The following COL24A1 variants were observed in gnomAD, a reference collection of about 807,000 sequenced individuals.
COL24A1 encodes the protein collagen type XXIV alpha 1 chain, also known as collagen alpha-1(XXIV) chain.
COL24A1 carries 224 observed loss-of-function variants against 253.9 expected under a neutral mutation model. The ratio of observed to expected loss-of-function variants is 0.88; its 90% CI spans 0.79 to 0.99. The LOEUF (loss-of-function observed/expected upper bound fraction) is 0.99, where lower values mean the gene tolerates loss of function less well. Among genes scored for constraint, COL24A1 ranks in the 50% least tolerant of loss-of-function variants. COL24A1 has a pLI of 0.00. For missense variants in COL24A1, 2,131 were observed against 2,068.5 expected (o/e 1.03, Z -0.59); for synonymous variants, 685 against 673.7 (o/e 1.02, Z -0.26).
chr1:86,042,849 A>G (rs542359462), intron 12 of COL24A1, among the ~76,000 whole-genome samples: 1 of 152,272 alleles, frequency 6.6e-6, no homozygotes, highest in East Asian at 1.9e-4. Context: ...CAAGACTTTT[A>G]GTCCATTTCT....
intron 43 of COL24A1, among the ~76,000 whole-genome samples, chr1:85,831,605 G>GA (rs148797204): frequency 1.3e-3 from 192 of 152,224 alleles, no homozygotes; most frequent in African/African-American, 4.1e-3. Flanking sequence ...AGAGGTTATG[G>GA]AAAGTGATGG....
rs112455204 is a variant in COL24A1 at position 85,969,465 on chromosome 1, C to T, written c.2463+762G>A. ...ACTAAAAATACAAAAATTAGCAGGG[C>T]ATGGTGGCACATGCCTGTAATTCTA... is the stretch of plus-strand genomic sequence containing the variant. On this transcript the variant is annotated intron_variant, in intron 22 of 59. Coordinates refer to ENST00000370571, the MANE Select transcript of COL24A1 (RefSeq NM_152890.7). 2.7e-3 allele frequency among the ~76,000 whole-genome samples: 406 copies of T among 151,692 alleles called. 1 individual carries two copies. The highest frequency in any genetic ancestry group is 8.2e-3 in the African/African-American group (338 of 41,382).
chr1:86,111,040 T>C (rs1705531242), intron 5 of COL24A1, among the ~76,000 whole-genome samples: 1 of 152,212 alleles, frequency 6.6e-6, no homozygotes, highest in Non-Finnish European at 1.5e-5. Context: ...GAGAACTTTA[T>C]GTCTAGCTGA....
At position 86,050,061 on chromosome 1, in the gene COL24A1, C is replaced by G; in HGVS notation, c.1905+63G>C. 3 of 1,396,660 alleles carry G rather than the reference C, an allele frequency of 2.1e-6. No individual in the cohort carries two copies. In the South Asian group the frequency reaches 3.9e-5, roughly 18 times the overall value. The allele number at this position is 1,396,660 out of a possible 1,614,324, so 86.5% of individuals were successfully genotyped here. ...CTTCCCTGACATCTGATTTTATGAC[C>G]CCCATTGTACATTATCACAAGTATA... is the stretch of plus-strand genomic sequence containing the variant. On this transcript the variant is annotated intron_variant, in intron 11 of 59. Coordinates refer to ENST00000370571, the MANE Select transcript of COL24A1 (RefSeq NM_152890.7).
intron 23 of COL24A1, among the ~76,000 whole-genome samples, chr1:85,962,580 T>C (rs1691182046): frequency 6.6e-6 from 1 of 152,076 alleles, no homozygotes; most frequent in South Asian, 2.1e-4. Flanking sequence ...ATTATGAAAC[T>C]GTAAGTGGGG....
At chr1:85,870,765 C>A (rs569815801) in intron 35 of COL24A1, among the ~76,000 whole-genome samples, 1 of 152,226 alleles carries the variant, frequency 6.6e-6, no homozygotes, top group African/African-American at 2.4e-5. Flanking sequence ...AAAATTAACA[C>A]CCTAACATCA....
At position 86,050,394 on chromosome 1, in the gene COL24A1, CT is replaced by C. The variant is rs1247214996; in HGVS notation, c.1852-218del. 2.6e-5 allele frequency among the ~76,000 whole-genome samples: 4 copies of C among 152,012 alleles called. No homozygotes were observed. In the East Asian group the frequency reaches 7.7e-4, roughly 29 times the overall value. On this transcript the variant is annotated intron_variant, in intron 10 of 59. Coordinates refer to ENST00000370571, the MANE Select transcript of COL24A1 (RefSeq NM_152890.7). ...CAAAATATAATTTAAGAAATGGTGG[CT>C]ATTAAAAATAAGCCCAAATAATTTC...
intron 37 of COL24A1, among the ~76,000 whole-genome samples, chr1:85,861,292 A>C (rs572118888): frequency 6.6e-6 from 1 of 152,132 alleles, no homozygotes; most frequent in Non-Finnish European, 1.5e-5. Context: ...GAGATATTTA[A>C]GTCTGTCCAT....
At chr1:85,808,672 T>C (rs1202721637) in intron 47 of COL24A1, among the ~76,000 whole-genome samples, 2 of 152,186 alleles carry the variant, frequency 1.3e-5, no homozygotes, top group Non-Finnish European at 2.9e-5. Flanking sequence ...ACAAGCACCC[T>C]AAAGGTGTAC....
chr1:85,817,555 G>A (rs1418762060), intron 46 of COL24A1, among the ~76,000 whole-genome samples: 3 of 151,944 alleles, frequency 2.0e-5, no homozygotes, highest in Admixed American at 2.0e-4. Flanking sequence ...TATCTGCCTG[G>A]CCAGGAGAGG....
At chr1:85,855,418 T>A (rs1023113707) in intron 37 of COL24A1, among the ~76,000 whole-genome samples, 40 of 152,272 alleles carry the variant, frequency 2.6e-4, no homozygotes, top group African/African-American at 7.9e-4. Context: ...GGGTTAACAT[T>A]GAGGCACGTT....
At chr1:86,033,641 T>A (rs1299084711) in intron 13 of COL24A1, among the ~76,000 whole-genome samples, 1 of 146,550 alleles carries the variant, frequency 6.8e-6, no homozygotes, top group Non-Finnish European at 1.5e-5. Flanking sequence ...CAGTTATACT[T>A]AACATCATCA....
chr1:85,860,748 A>G (rs1679049521), intron 37 of COL24A1, among the ~76,000 whole-genome samples: 1 of 152,214 alleles, frequency 6.6e-6, no homozygotes, highest in African/African-American at 2.4e-5. Context: ...CTCAAAAACA[A>G]AAAGAAATAA....
rs72943827 is a variant in COL24A1, at chr1:86,107,906, A to G, written c.1599+4661T>C. Among the ~76,000 whole-genome samples, 423 of 152,320 alleles carry G rather than the reference A, an allele frequency of 2.8e-3. 3 individuals carry two copies. The highest frequency in any genetic ancestry group is 9.7e-3 in the African/African-American group (402 of 41,574). On this transcript the variant is annotated intron_variant, in intron 5 of 59. Coordinates refer to ENST00000370571, the MANE Select transcript of COL24A1 (RefSeq NM_152890.7). ...GACACAGTTATCAAATTCTTAAATT[A>G]AATATGAATTAAAGACTATTGTTCA...
chr1:85,743,183 T>C (rs1447939438), intron 57 of COL24A1, among the ~76,000 whole-genome samples: 4 of 152,206 alleles, frequency 2.6e-5, no homozygotes, highest in Non-Finnish European at 4.4e-5. Context: ...CTGAGTAGTC[T>C]AGAGGGTCTT....
chr1:85,816,280 G>T (rs1310967120), intron 47 of COL24A1, among the ~76,000 whole-genome samples: 1 of 152,050 alleles, frequency 6.6e-6, no homozygotes, highest in Non-Finnish European at 1.5e-5. Flanking sequence ...ATAGCATGAA[G>T]AATTACACAT....
chr1:86,017,233 A>C (rs773646567), intron 18 of COL24A1, 29 bp from the exon 19 acceptor site: 102 of 1,532,624 alleles, frequency 6.7e-5, no homozygotes, highest in Non-Finnish European at 8.1e-5. Context: ...ATCAAAGTAT[A>C]AACATAAACT....
At chr1:85,902,638 G>T (rs1051324974) in intron 28 of COL24A1, among the ~76,000 whole-genome samples, 2 of 152,116 alleles carry the variant, frequency 1.3e-5, no homozygotes, top group Non-Finnish European at 2.9e-5. Flanking sequence ...AGCCCACTGA[G>T]GGCTAAAATG....
intron 43 of COL24A1, among the ~76,000 whole-genome samples, chr1:85,835,039 A>T (rs768831659): frequency 6.6e-5 from 10 of 152,182 alleles, no homozygotes; most frequent in Admixed American, 1.3e-4. Flanking sequence ...TGTGTCTGGG[A>T]TGTCCAATGT....
Sources: gnomAD v4.1 joint callset for allele counts (sites outside exome capture counted in the v4.1 genomes callset) on GRCh38, gnomAD v4.1.1 for gene constraint, MANE v1.5 for transcripts, NCBI Gene and HGNC (gene_info 2026-07-23, HGNC 2026-07-21) for gene names.